Variants in MAP7 observed in about 807,000 individuals in gnomAD.
The protein encoded by MAP7 is ensconsin.
MAP7 carries 52 observed loss-of-function variants against 94.8 expected under a neutral mutation model. The observed-to-expected ratio is 0.55, with a 90% CI of 0.44 to 0.69. The LOEUF (loss-of-function observed/expected upper bound fraction) is 0.69. Ranked by LOEUF, MAP7 falls within the 30% of genes least tolerant of loss-of-function variation. The pLI is 0.00. For missense variants in MAP7, 940 were observed against 964.6 expected, an observed-to-expected ratio of 0.97 and a Z score of 0.34; for synonymous variants, 350 against 357.0, an observed-to-expected ratio of 0.98 and a Z score of 0.22.
chr6:136,456,768 GA>G (rs1171511855), intron 1 of MAP7, among the ~76,000 whole-genome samples: 701 of 36,016 alleles, frequency 0.019, 9 homozygotes, highest in East Asian at 0.028. Context: ...GGAGGAGGAG[GA>G]AGAAGAAGAA....
intron 3 of MAP7, among the ~76,000 whole-genome samples, chr6:136,400,202 G>A (rs1783674462): frequency 6.6e-6 from 1 of 152,010 alleles, no homozygotes; most frequent in Non-Finnish European, 1.5e-5. Flanking sequence ...AGATCACGAG[G>A]TCAGGAGATC....
intron 7 of MAP7, among the ~76,000 whole-genome samples, chr6:136,374,934 AT>A (rs1226865760): frequency 6.6e-6 from 1 of 152,162 alleles, no homozygotes; most frequent in Non-Finnish European, 1.5e-5. Flanking sequence ...ATATATAGTT[AT>A]TTTTTCCCAG....
chr6:136,405,461 A>G (rs938165586), intron 3 of MAP7, among the ~76,000 whole-genome samples: 1 of 152,154 alleles, frequency 6.6e-6, no homozygotes, highest in Non-Finnish European at 1.5e-5. Flanking sequence ...CAGGAAAAAC[A>G]CTCTAGGTGG....
chr6:136,446,567 G>A (rs1310033376), intron 1 of MAP7, among the ~76,000 whole-genome samples: 1 of 152,140 alleles, frequency 6.6e-6, no homozygotes, highest in South Asian at 2.1e-4. Flanking sequence ...AGGTGCAGGG[G>A]GGCGCTGAAA....
At chr6:136,423,063 C>A (rs1360495394) in intron 1 of MAP7, among the ~76,000 whole-genome samples, 1 of 152,124 alleles carries the variant, frequency 6.6e-6, no homozygotes, top group Non-Finnish European at 1.5e-5. Context: ...ACTGAGAAGA[C>A]ACATGTTAAA....
intron 1 of MAP7, among the ~76,000 whole-genome samples, chr6:136,504,364 G>C (rs141939109): frequency 6.6e-6 from 1 of 151,424 alleles, no homozygotes; most frequent in East Asian, 1.9e-4. Context: ...TTTTTTTTGG[G>C]GGGGAACAGA....
intron 1 of MAP7, among the ~76,000 whole-genome samples, chr6:136,484,554 C>T (rs1192757732): frequency 6.6e-6 from 1 of 152,124 alleles, no homozygotes; most frequent in East Asian, 1.9e-4. Flanking sequence ...TCTTGCACAA[C>T]AGAATTTAGG....
intron 1 of MAP7, among the ~76,000 whole-genome samples, chr6:136,511,503 C>T (rs1823275211): frequency 7.3e-6 from 1 of 137,030 alleles, no homozygotes; most frequent in South Asian, 2.2e-4. Flanking sequence ...AAAAAAAAGG[C>T]AGTGCAGAGA....
intron 1 of MAP7, among the ~76,000 whole-genome samples, chr6:136,458,031 A>G (rs1008724646): frequency 2.5e-4 from 38 of 152,212 alleles, no homozygotes; most frequent in African/African-American, 8.9e-4. Context: ...TGTAAAAAAA[A>G]CTTTTAAGAA....
chr6:136,498,453 C>A (rs960041378), intron 1 of MAP7, among the ~76,000 whole-genome samples: 2 of 152,048 alleles, frequency 1.3e-5, no homozygotes, highest in Non-Finnish European at 2.9e-5. Flanking sequence ...TTCTTTCCAA[C>A]TGACTTTGGA....
chr6:136,388,399 T>C lies in MAP7; in HGVS notation c.520A>G (p.Ser174Gly). 1 of 1,613,308 alleles carries C rather than the reference T, an allele frequency of 6.2e-7. No individual in the cohort carries two copies. The highest frequency in any genetic ancestry group is 8.5e-7 in the Non-Finnish European group (1 of 1,179,336). Residue 174 changes from serine to glycine, a missense_variant, in exon 5 of 18, where the codon AGT becomes GGT. Physicochemically the swap from Ser to Gly is moderately conservative, Grantham distance 56. Transcript: ENST00000354570. ...CAAAGTGGTCACTGTTTACCTGCAC[T>C]GTGGATGCTAGGGCTCCCATGGAGA... is the stretch of plus-strand genomic sequence containing the variant. ...GSLHGSPSIHSADPDRRSVST... is the reference protein window; with the variant it reads ...GSLHGSPSIHGADPDRRSVST...
At chr6:136,422,993 C>T (rs139328352) in intron 1 of MAP7, among the ~76,000 whole-genome samples, 1 of 152,310 alleles carries the variant, frequency 6.6e-6, no homozygotes, top group East Asian at 1.9e-4. Context: ...TATTTGGCCT[C>T]TCTAAGTAGG....
intron 1 of MAP7, among the ~76,000 whole-genome samples, chr6:136,453,010 G>A (rs1040717268): frequency 6.6e-6 from 1 of 152,178 alleles, no homozygotes; most frequent in African/African-American, 2.4e-5. Flanking sequence ...GTCTGGAACT[G>A]AACCCAAAGT....
At chr6:136,405,400 G>A (rs1314906692) in intron 3 of MAP7, among the ~76,000 whole-genome samples, 1 of 152,220 alleles carries the variant, frequency 6.6e-6, no homozygotes, top group Admixed American at 6.5e-5. Context: ...TGAGAAGGTG[G>A]CATTTAAATG....
intron 1 of MAP7, among the ~76,000 whole-genome samples, chr6:136,428,634 T>C (rs1195113416): frequency 6.6e-6 from 1 of 152,214 alleles, no homozygotes; most frequent in Non-Finnish European, 1.5e-5. Flanking sequence ...AAGATAATTC[T>C]ATCAAAATAG....
intron 1 of MAP7, among the ~76,000 whole-genome samples, chr6:136,436,515 GACTACAGGAA>G (rs201543144): frequency 0.013 from 2,011 of 152,150 alleles, 53 homozygotes; most frequent in African/African-American, 0.046. Context: ...AAGTAGCTGG[GACTACAGGAA>G]CATGCCACAA....
chr6:136,530,478 G>A (rs1828393407), intron 1 of MAP7, among the ~76,000 whole-genome samples: 1 of 152,164 alleles, frequency 6.6e-6, no homozygotes, highest in Non-Finnish European at 1.5e-5. Context: ...ATATTTTTAT[G>A]CAACTTAAAA....
chr6:136,537,686 G>T (rs1178398033), intron 1 of MAP7, among the ~76,000 whole-genome samples: 1 of 152,152 alleles, frequency 6.6e-6, no homozygotes, highest in Admixed American at 6.5e-5. Flanking sequence ...TTTCCACAGT[G>T]GCTACTGTAT....
intron 8 of MAP7, among the ~76,000 whole-genome samples, chr6:136,371,755 A>G (rs1474000061): frequency 6.6e-6 from 1 of 152,236 alleles, no homozygotes; most frequent in East Asian, 1.9e-4. Context: ...AACAAGGTTT[A>G]TATCTTTCAA....
Sources: allele counts gnomAD v4.1 joint callset (sites outside exome capture counted in the v4.1 genomes callset), GRCh38; gene constraint gnomAD v4.1.1; transcripts MANE v1.5; gene names NCBI Gene and HGNC (gene_info 2026-07-23, HGNC 2026-07-21).